POLQ: variants seen among roughly 807,000 people sequenced by gnomAD.
POLQ encodes epididymis secretory sperm binding protein.
In POLQ, 233 loss-of-function variants were observed where a neutral mutation model predicts 259.2. That is an observed-to-expected ratio of 0.90 (90% CI 0.81 to 1.00). POLQ has a LOEUF of 1.00. Among genes scored for constraint, POLQ ranks in the 50% least tolerant of loss-of-function variants. POLQ has a pLI of 0.00. For missense variants in POLQ, 2,871 were observed against 3,051.6 expected, an observed-to-expected ratio of 0.94 and a Z score of 1.39; for synonymous variants, 1,025 against 1,048.8, an observed-to-expected ratio of 0.98 and a Z score of 0.44.
chr3:121,444,196 T>C (rs1482472153), intron 26 of POLQ, among the ~76,000 whole-genome samples: 1 of 152,140 alleles, frequency 6.6e-6, no homozygotes, highest in East Asian at 1.9e-4. Context: ...AGTATGAACA[T>C]TTTAACAATG....
At chr3:121,459,384 T>TG (rs2047771433) in intron 25 of POLQ, among the ~76,000 whole-genome samples, 3 of 142,964 alleles carry the variant, frequency 2.1e-5, no homozygotes, top group African/African-American at 7.8e-5. Context: ...TTTTTTTTTT[T>TG]TTTTTTTTGT....
intron 25 of POLQ, among the ~76,000 whole-genome samples, chr3:121,456,145 C>T (rs2047735025): frequency 6.6e-6 from 1 of 152,142 alleles, no homozygotes; most frequent in South Asian, 2.1e-4. Flanking sequence ...ATGATTATCT[C>T]AATAGATGCA....
At chr3:121,506,022 CAAAA>C (rs56305313) in intron 12 of POLQ, among the ~76,000 whole-genome samples, 2 of 88,552 alleles carry the variant, frequency 2.3e-5, no homozygotes, top group African/African-American at 4.7e-5. Context: ...AACTCCATCT[CAAAA>C]AAAAAAAAAA....
chr3:121,474,911 A>C (rs1179297434), intron 20 of POLQ, among the ~76,000 whole-genome samples: 1 of 152,212 alleles, frequency 6.6e-6, no homozygotes, highest in Non-Finnish European at 1.5e-5. Flanking sequence ...GTATACATTC[A>C]TGGGGTACAA....
At position 121,512,096 on chromosome 3, in the gene POLQ, T is replaced by A. The variant is rs1004437529; in HGVS notation, c.1469-67A>T. On this transcript the variant is annotated intron_variant, in intron 9 of 29. Coordinates refer to ENST00000264233, the MANE Select transcript of POLQ (RefSeq NM_199420.4). The stretch of plus-strand genomic sequence containing the variant: ...TCCATAAGATATCTGCTAAAGAGAT[T>A]TTAAGTTGCCTTACTTTGCTTAAAA... The A allele has an allele frequency of 2.2e-6, 3 of 1,369,870 alleles. No individual in the cohort carries two copies. In the African/African-American group the frequency reaches 4.4e-5, roughly 20 times the overall value. The allele number at this position is 1,369,870 out of a possible 1,614,324, so 84.9% of individuals were successfully genotyped here. A position where few individuals can be genotyped will look rare whatever the true frequency, so the allele number is the denominator to read the frequency against.
At chr3:121,451,638 C>T (rs531719648) in intron 25 of POLQ, among the ~76,000 whole-genome samples, 3 of 152,326 alleles carry the variant, frequency 2.0e-5, no homozygotes, top group African/African-American at 7.2e-5. Flanking sequence ...TGCCTGATCG[C>T]TCCTCTGGAA....
intron 7 of POLQ, among the ~76,000 whole-genome samples, chr3:121,526,309 G>A (rs1208260897): frequency 6.6e-6 from 1 of 152,150 alleles, no homozygotes; most frequent in Non-Finnish European, 1.5e-5. Flanking sequence ...AGTCCTTCTT[G>A]TACAACCAAA....
chr3:121,488,742 T>A lies in POLQ; in HGVS notation c.4189A>T (p.Thr1397Ser). 1 of 1,613,944 alleles carries A rather than the reference T, an allele frequency of 6.2e-7. No individual in the cohort carries two copies. The highest frequency in any genetic ancestry group is 8.5e-7 in the Non-Finnish European group (1 of 1,179,820). ...TGTGAATCACTGCTTTGTTTCATAG[T>A]ACCTACAGTCTTAAGGTCCAAATGA... is the stretch of plus-strand genomic sequence containing the variant. Reference protein sequence around the residue: ...IDHLDLKTVGTMKQSSDSHGV... With the variant: ...IDHLDLKTVGSMKQSSDSHGV... The change falls in exon 16 of 30, where the codon ACT (threonine) becomes TCT (serine). Residue 1397 changes from threonine to serine, a missense_variant. Physicochemically the swap from Thr to Ser is moderately conservative, Grantham distance 58 (BLOSUM62 1). Coordinates refer to ENST00000264233, the MANE Select transcript of POLQ (RefSeq NM_199420.4).
intron 19 of POLQ, among the ~76,000 whole-genome samples, chr3:121,480,472 C>T (rs571847411): frequency 6.6e-6 from 1 of 152,008 alleles, no homozygotes; most frequent in South Asian, 2.1e-4. Context: ...GTAAAAAATG[C>T]ATTTAATACC....
intron 5 of POLQ, among the ~76,000 whole-genome samples, chr3:121,535,715 CAAAA>C (rs34317903): frequency 1.9e-5 from 2 of 107,402 alleles, no homozygotes; most frequent in Admixed American, 1.1e-4. Context: ...AACTCCATCT[CAAAA>C]AAAAAAAAAA....
intron 9 of POLQ, among the ~76,000 whole-genome samples, chr3:121,515,601 T>A (rs1235216562): frequency 1.3e-5 from 2 of 152,148 alleles, no homozygotes; most frequent in Admixed American, 6.5e-5. Context: ...AGCCCAACTA[T>A]CTACAGAATC....
rs1298922507 is a variant in POLQ at position 121,432,203 on chromosome 3, G to C, written c.*101C>G. ...TACTAGGCTAAGTCTATCAAGACTTGAAAGTTTGTTTTGCTGAGGTAGGTG... is the reference window on the plus strand; with the variant it reads ...TACTAGGCTAAGTCTATCAAGACTTCAAAGTTTGTTTTGCTGAGGTAGGTG... On this transcript the variant is annotated 3_prime_UTR_variant, in exon 30 of 30. Transcript: ENST00000264233. The C allele has an allele frequency of 2.8e-6, 3 of 1,087,964 alleles. No individual in the cohort carries two copies. In the South Asian group the frequency reaches 5.7e-5, roughly 21 times the overall value. The allele number at this position is 1,087,964 out of a possible 1,614,324, so 67.4% of individuals were successfully genotyped here. A position where few individuals can be genotyped will look rare whatever the true frequency, so the allele number is the denominator to read the frequency against.
chr3:121,510,913 G>A (rs188092955), intron 10 of POLQ, among the ~76,000 whole-genome samples: 124 of 151,590 alleles, frequency 8.2e-4, no homozygotes, highest in Non-Finnish European at 1.5e-3. Flanking sequence ...GTGAAACTCC[G>A]TCTCTACTGA....
chr3:121,475,923 G>A, intron 20 of POLQ, among the ~76,000 whole-genome samples: 1 of 151,730 alleles, frequency 6.6e-6, no homozygotes, highest in East Asian at 1.9e-4. Flanking sequence ...TTGGCTTGGG[G>A]ATTTGAAAAG....
chr3:121,489,799 A>G lies in POLQ; in HGVS notation c.3132T>C (p.Arg1044=), dbSNP rs918405108. The change falls in exon 16 of 30, where the codon CGT becomes CGC. Residue 1044 remains arginine, a synonymous_variant. Transcript: ENST00000264233. ...KMSRSFRSWK[R]RKHLKRSRDS... ...CCCTAGATCGCTTTAGATGCTTTCT[A>G]CGTTTCCAAGATCGAAAACTTCTGC... 2 of 1,612,878 alleles carry G rather than the reference A, an allele frequency of 1.2e-6. No individual in the cohort carries two copies. Among genetic ancestry groups the G allele is most frequent in the African/African-American group, 1.3e-5 (1 of 75,006 alleles).
At chr3:121,514,361 CAAAAAAAA>C (rs76640182) in intron 9 of POLQ, among the ~76,000 whole-genome samples, 1 of 85,268 alleles carries the variant, frequency 1.2e-5, no homozygotes, top group African/African-American at 4.3e-5. Context: ...CAACAATAAC[CAAAAAAAA>C]AAAAAAAAAA....
intron 26 of POLQ, among the ~76,000 whole-genome samples, chr3:121,440,489 C>A (rs150552094): frequency 2.0e-5 from 3 of 151,986 alleles, no homozygotes; most frequent in African/African-American, 7.3e-5. Context: ...CACCGCGTCA[C>A]GATGCCAGGA....
intron 14 of POLQ, chr3:121,494,214 C>G: frequency 6.9e-7 from 1 of 1,456,168 alleles, no homozygotes; most frequent in African/African-American, 1.4e-5. Context: ...GTGAAAAGGC[C>G]TAAGAATTTT....
chr3:121,520,674 T>A (rs762969541), intron 8 of POLQ, among the ~76,000 whole-genome samples: 50 of 152,182 alleles, frequency 3.3e-4, no homozygotes, highest in Admixed American at 1.6e-3. Flanking sequence ...CCTGCCACTG[T>A]GACATGAAAG....
Sources: gnomAD v4.1 joint callset for allele counts (sites outside exome capture counted in the v4.1 genomes callset) on GRCh38, gnomAD v4.1.1 for gene constraint, MANE v1.5 for transcripts, NCBI Gene and HGNC (gene_info 2026-07-23, HGNC 2026-07-21) for gene names.